Variants in GRHL1 observed in about 807,000 individuals in gnomAD.
GRHL1 encodes the protein grainyhead-like protein 1 homolog.
In GRHL1, 38 loss-of-function variants were observed where a neutral mutation model predicts 75.7. That is an observed-to-expected ratio of 0.50 (90% CI 0.39 to 0.66). GRHL1 has a LOEUF of 0.66. Ranked by LOEUF, GRHL1 falls within the 30% of genes least tolerant of loss-of-function variation. The pLI, the probability that GRHL1 is intolerant of heterozygous loss-of-function variation, is 0.00. For missense variants in GRHL1, 589 were observed against 767.5 expected (o/e 0.77, Z 2.75); for synonymous variants, 266 against 279.4 (o/e 0.95, Z 0.48).
At chr2:9,964,180 C>T in intron 6 of GRHL1, 55 bp from the exon 7 acceptor site, 4 of 1,336,764 alleles carry the variant, frequency 3.0e-6, no homozygotes, top group Non-Finnish European at 4.2e-6. Flanking sequence ...AATACGTTTT[C>T]CAAAACATAC....
Position 9,951,754 on chromosome 2 carries a change from C to T in GRHL1, c.-80C>T, listed in dbSNP as rs1666775845. ...CGCTCCGGACCCGCAGCCGCCGCCGCCGCCTCCTCCCCCCGGATCGGGTGT... is the reference window on the plus strand; with the variant it reads ...CGCTCCGGACCCGCAGCCGCCGCCGTCGCCTCCTCCCCCCGGATCGGGTGT... On this transcript the variant is annotated 5_prime_UTR_variant, in exon 1 of 16. Coordinates refer to ENST00000324907, the MANE Select transcript of GRHL1 (RefSeq NM_198182.3). The surrounding 1 kb of genome is among the most constrained non-coding windows in gnomAD (Gnocchi z 4.2). 7.4e-7 allele frequency: 1 copy of T among 1,348,122 alleles called. No homozygotes were observed. Among genetic ancestry groups the T allele is most frequent in the Non-Finnish European group, 1.0e-6 (1 of 1,000,074 alleles). 83.5% of individuals were successfully genotyped at this position (1,348,122 alleles called of 1,614,324 possible).
At chr2:9,989,593 G>T (rs983402873) in intron 9 of GRHL1, among the ~76,000 whole-genome samples, 1 of 152,078 alleles carries the variant, frequency 6.6e-6, no homozygotes, top group Non-Finnish European at 1.5e-5. Context: ...CTGTCACCCA[G>T]ACTGGAGTAC....
chr2:9,960,936 C>G (rs1667242147), intron 3 of GRHL1, 110 bp from the exon 4 acceptor site: 2 of 741,950 alleles, frequency 2.7e-6, no homozygotes, highest in Admixed American at 5.9e-5. Context: ...TCTGTTTATT[C>G]TGTCAAGTGT....
chr2:9,961,408 C>A lies in GRHL1; in HGVS notation c.641C>A (p.Ser214Ter). ...AGGCGAACTCCAGACTCGACCTTCT[C>A]AGAGACCTTCAAGGAAGGCGTTCAG... ...AQRRTPDSTF[S>*]ETFKEGVQEV... The change falls in exon 4 of 16, where the codon TCA becomes TAA. Residue 214 changes from serine (S) to a stop codon, truncating the protein, a stop_gained. Transcript: ENST00000324907. LOFTEE classifies it high-confidence loss of function. 6.2e-7 allele frequency: 1 copy of A among 1,611,614 alleles called. No individual in the cohort carries two copies. The highest frequency in any genetic ancestry group is 1.1e-5 in the South Asian group (1 of 91,044).
Position 10,000,828 on chromosome 2 carries a change from G to T in GRHL1, c.*121G>T, listed in dbSNP as rs1310119699. 9 of 570,036 alleles carry T rather than the reference G, an allele frequency of 1.6e-5. No individual in the cohort carries two copies. The highest frequency in any genetic ancestry group is 9.4e-5 in the African/African-American group (5 of 53,052). 35.3% of individuals were successfully genotyped at this position (570,036 alleles called of 1,614,324 possible). A position where few individuals can be genotyped will look rare whatever the true frequency, so the allele number is the denominator to read the frequency against. On this transcript the variant is annotated 3_prime_UTR_variant, in exon 16 of 16. Transcript: ENST00000324907. ...AGCACAGGTCTATGTCGAGGGAATG[G>T]GTTCCTTGCAGGTTGGAGGCGGGGC...
At chr2:9,999,454 G>T (rs926564357) in intron 15 of GRHL1, among the ~76,000 whole-genome samples, 1 of 152,222 alleles carries the variant, frequency 6.6e-6, no homozygotes, top group African/African-American at 2.4e-5. Flanking sequence ...CGTTGGAGCC[G>T]GGCACTGGGT....
At position 9,990,939 on chromosome 2, in the gene GRHL1, T is replaced by G. The variant is rs1315595373; in HGVS notation, c.1321+192T>G. Among the ~76,000 whole-genome samples, 2 of 152,028 alleles carry G rather than the reference T, an allele frequency of 1.3e-5. No homozygotes were observed. The highest frequency in any genetic ancestry group is 3.9e-4 in the East Asian group (2 of 5,170). ...CAGATGCCAGCTCAGCGGGAGGGGT[T>G]TTCCTGGGGACTACAGGATAGATCC... On this transcript the variant is annotated intron_variant, in intron 10 of 15. Coordinates refer to ENST00000324907, the MANE Select transcript of GRHL1 (RefSeq NM_198182.3). This position sits in a 1 kb window ranked among gnomAD's most constrained non-coding sequence, Gnocchi z 4.2.
rs1667572329 is a variant in GRHL1 at position 9,968,311 on chromosome 2, T to A, written c.1110+2930T>A. 6.6e-5 allele frequency among the ~76,000 whole-genome samples: 10 copies of A among 152,232 alleles called. No homozygotes were observed. On this transcript the variant is annotated intron_variant, in intron 8 of 15. Coordinates refer to ENST00000324907, the MANE Select transcript of GRHL1 (RefSeq NM_198182.3). This position sits in a 1 kb window ranked among gnomAD's most constrained non-coding sequence, Gnocchi z 4.7. ...AGTTTTGGAACTTGTGAAAATTTGT[T>A]CGTTTTCAAAGTGGTGGAAGAGAAG...
Position 9,964,008 on chromosome 2 carries a change from G to C in GRHL1, c.869G>C (p.Ser290Thr), listed in dbSNP as rs1667385465. Residue 290 changes from serine to threonine, a missense_variant, in exon 6 of 16, where the codon AGT (serine) becomes ACT (threonine). Ser to Thr is a moderately conservative substitution (Grantham distance 58). Around this residue, in one of 5 missense-constraint regions of GRHL1, gnomAD observed 362 missense variants for 461.8 expected, o/e 0.78. Coordinates refer to ENST00000324907, the MANE Select transcript of GRHL1 (RefSeq NM_198182.3). ...YPITLKEVSS[S>T]EGIHHPISKV... Reference sequence around the variant, plus strand: ...ATCACCTTGAAGGAGGTGAGCAGCAGTGAAGGAATCCATCATCCCATCAGC... The same window carrying C: ...ATCACCTTGAAGGAGGTGAGCAGCACTGAAGGAATCCATCATCCCATCAGC... 3.1e-6 allele frequency: 5 copies of C among 1,613,956 alleles called. No individual in the cohort carries two copies. Among genetic ancestry groups the C allele is most frequent in the Admixed American group, 1.7e-5 (1 of 60,020 alleles).
rs369394139 is a variant in GRHL1 at position 9,964,055 on chromosome 2, C to G, written c.903+13C>G. 74 of 1,610,114 alleles carry G rather than the reference C, an allele frequency of 4.6e-5. 1 individual carries two copies. The African/African-American group carries it at 7.7e-4, about 17-fold the overall frequency. On this transcript the variant is annotated intron_variant, in intron 6 of 15. Coordinates refer to ENST00000324907, the MANE Select transcript of GRHL1 (RefSeq NM_198182.3). ...CAGCAAAGTTCGAGTAAGTTCTGCT[C>G]TTAGTCCTGTTCTCTAGGAAAGCTA...
chr2:9,962,715 A>G (rs1448580080), intron 5 of GRHL1, among the ~76,000 whole-genome samples, 184 bp downstream of exon 5: 1 of 151,982 alleles, frequency 6.6e-6, no homozygotes. Context: ...TCTTTGAACT[A>G]TGTTTCAAGT....
intron 2 of GRHL1, among the ~76,000 whole-genome samples, chr2:9,958,179 T>TTA (rs1553299880): frequency 2.0e-5 from 3 of 146,500 alleles, no homozygotes; most frequent in African/African-American, 8.1e-5. Context: ...TTTTTCTTTT[T>TTA]TTTTTTTTTT....
chr2:9,979,989 CAGTT>C (rs1668123419), intron 8 of GRHL1, among the ~76,000 whole-genome samples: 1 of 152,210 alleles, frequency 6.6e-6, no homozygotes, highest in South Asian at 2.1e-4. Context: ...TTAGACTAGA[CAGTT>C]AGCAAGCTTT....
chr2:9,995,619 C>G (rs190547711), intron 12 of GRHL1, among the ~76,000 whole-genome samples: 1 of 151,398 alleles, frequency 6.6e-6, no homozygotes, highest in South Asian at 2.1e-4. Flanking sequence ...GCCTCATCTT[C>G]GAGAAGGCAG....
At chr2:9,974,754 G>A (rs1667878026) in intron 8 of GRHL1, among the ~76,000 whole-genome samples, 1 of 152,228 alleles carries the variant, frequency 6.6e-6, no homozygotes, top group African/African-American at 2.4e-5. Context: ...CATGTTGCAG[G>A]GAGTCAGCTT....
intron 9 of GRHL1, among the ~76,000 whole-genome samples, chr2:9,988,957 G>A (rs1166049494): frequency 6.6e-6 from 1 of 152,112 alleles, no homozygotes; most frequent in African/African-American, 2.4e-5. Context: ...CCTTTTGGAG[G>A]AGGGTGGTGT....
intron 14 of GRHL1, among the ~76,000 whole-genome samples, chr2:9,998,494 A>G (rs112470090): frequency 0.44 from 1,227 of 2,766 alleles, 131 homozygotes; most frequent in Middle Eastern, 0.5. Flanking sequence ...ATATATACGT[A>G]TATATACATA....
intron 8 of GRHL1, among the ~76,000 whole-genome samples, chr2:9,975,731 A>T (rs1413282355): frequency 6.6e-6 from 1 of 151,986 alleles, no homozygotes; most frequent in Admixed American, 6.6e-5. Context: ...CAAAAAAAAA[A>T]AAAAATTATC....
At chr2:9,952,240 C>G (rs1270798811) in intron 1 of GRHL1, among the ~76,000 whole-genome samples, 1 of 152,122 alleles carries the variant, frequency 6.6e-6, no homozygotes, top group Non-Finnish European at 1.5e-5. Context: ...CCTGCCCGGT[C>G]GGCCTCGGGA....
Sources: gnomAD v4.1 joint callset for allele counts (sites outside exome capture counted in the v4.1 genomes callset) on GRCh38, gnomAD v4.1.1 for gene constraint, gnomAD v4.1.1 regional missense constraint, Gnocchi (gnomAD v3.1) non-coding constraint, MANE v1.5 for transcripts, NCBI Gene and HGNC (gene_info 2026-07-23, HGNC 2026-07-21) for gene names.